The following DLGAP4 variants were observed in gnomAD, a reference collection of about 807,000 sequenced individuals.
DLGAP4 encodes the protein disks large-associated protein 4.
DLGAP4 carries 18 observed loss-of-function variants against 86.9 expected under a neutral mutation model. That is an observed-to-expected ratio of 0.21 (90% CI 0.14 to 0.31). DLGAP4 has a LOEUF of 0.31. Ranked by LOEUF, DLGAP4 falls within the 10% of genes least tolerant of loss-of-function variation. The pLI, the probability that DLGAP4 is intolerant of heterozygous loss-of-function variation, is 1.00. For missense variants in DLGAP4, 1,085 were observed against 1,362.6 expected, an observed-to-expected ratio of 0.80 and a Z score of 3.21; for synonymous variants, 548 against 574.3, an observed-to-expected ratio of 0.95 and a Z score of 0.65.
At chr20:36,462,359 G>T in intron 7 of DLGAP4, 1 of 1,379,168 alleles carries the variant, frequency 7.3e-7, no homozygotes, top group Admixed American at 4.0e-5. Flanking sequence ...CTGCCCCTCT[G>T]TGCCCCCACA....
chr20:36,442,654 C>A, intron 5 of DLGAP4, 73 bp from the exon 6 acceptor site: 1 of 1,546,424 alleles, frequency 6.5e-7, no homozygotes, highest in Non-Finnish European at 8.9e-7. Flanking sequence ...AGTTTCCTTG[C>A]AATTGACCCT....
At chr20:36,524,092 T>C (rs1460646195) in intron 10 of DLGAP4, among the ~76,000 whole-genome samples, 158 bp from the exon 11 acceptor site, 1 of 152,208 alleles carries the variant, frequency 6.6e-6, no homozygotes, top group East Asian at 1.9e-4. Flanking sequence ...TTTTTCTCAA[T>C]GAGAATGGAT....
chr20:36,369,980 G>A (rs1460443027), intron 2 of DLGAP4, among the ~76,000 whole-genome samples: 2 of 152,166 alleles, frequency 1.3e-5, no homozygotes, highest in Non-Finnish European at 2.9e-5. Context: ...GAGTGGAGGA[G>A]GTGAGATGAG....
At chr20:36,355,543 T>C (rs1368270384) in intron 1 of DLGAP4, among the ~76,000 whole-genome samples, 1 of 152,262 alleles carries the variant, frequency 6.6e-6, no homozygotes, top group Non-Finnish European at 1.5e-5. Flanking sequence ...GCAGTCTTCC[T>C]GCCTCAGCCT....
intron 10 of DLGAP4, among the ~76,000 whole-genome samples, chr20:36,509,543 C>A (rs2036571899): frequency 6.6e-6 from 1 of 152,006 alleles, no homozygotes. Flanking sequence ...TGTACTCCAG[C>A]CTGGGTGACA....
At position 36,527,476 on chromosome 20, in the gene DLGAP4, ATTCT is replaced by A. The variant is rs1278330129; in HGVS notation, c.*447_*450del. ...TATCCCCGCTCTGACCTTGATTTTCATTCTTATGTTTTTCTCTTTTCCCTTCAGA... is the reference window on the plus strand; with the variant it reads ...TATCCCCGCTCTGACCTTGATTTTCATATGTTTTTCTCTTTTCCCTTCAGA... On this transcript the variant is annotated 3_prime_UTR_variant, in exon 13 of 13. Coordinates refer to ENST00000339266, the MANE Select transcript of DLGAP4 (RefSeq NM_001365621.2). 1 of 154,548 alleles carries A rather than the reference ATTCT, an allele frequency of 6.5e-6. No individual in the cohort carries two copies. Among genetic ancestry groups the A allele is most frequent in the African/African-American group, 2.4e-5 (1 of 41,356 alleles). 9.6% of individuals were successfully genotyped at this position (154,548 alleles called of 1,614,324 possible).
chr20:36,476,377 G>A (rs1171236115), intron 7 of DLGAP4, among the ~76,000 whole-genome samples: 1 of 140,428 alleles, frequency 7.1e-6, no homozygotes, highest in African/African-American at 2.7e-5. Flanking sequence ...TCCCAGGCTG[G>A]AGTGCAATGG....
intron 10 of DLGAP4, chr20:36,512,847 T>C (rs1413917377): frequency 7.5e-6 from 1 of 133,140 alleles, no homozygotes; most frequent in African/African-American, 2.8e-5. Context: ...AAGCCACCAG[T>C]GGGCTGCAGC....
At chr20:36,491,987 C>T (rs948953841) in intron 7 of DLGAP4, among the ~76,000 whole-genome samples, 1 of 152,154 alleles carries the variant, frequency 6.6e-6, no homozygotes, top group Non-Finnish European at 1.5e-5. Flanking sequence ...GGTCAGTGCT[C>T]TGATGGAGAT....
chr20:36,463,561 A>G (rs1470008176), intron 7 of DLGAP4, among the ~76,000 whole-genome samples: 1 of 152,206 alleles, frequency 6.6e-6, no homozygotes, highest in African/African-American at 2.4e-5. Context: ...TTCTTAATTC[A>G]GGCCCCAATC....
At chr20:36,313,606 G>C (rs947935192) in intron 1 of DLGAP4, among the ~76,000 whole-genome samples, 21 of 152,172 alleles carry the variant, frequency 1.4e-4, no homozygotes, top group Admixed American at 3.9e-4. Flanking sequence ...CCTGCTGCTG[G>C]GGGGGCAGGG....
intron 7 of DLGAP4, among the ~76,000 whole-genome samples, chr20:36,451,150 T>A (rs547538006): frequency 6.6e-6 from 1 of 152,230 alleles, no homozygotes; most frequent in Non-Finnish European, 1.5e-5. Flanking sequence ...ATTTTACCCA[T>A]GCACCTACCT....
At chr20:36,464,153 G>A (rs1007668634) in intron 7 of DLGAP4, among the ~76,000 whole-genome samples, 1 of 152,200 alleles carries the variant, frequency 6.6e-6, no homozygotes, top group African/African-American at 2.4e-5. Context: ...CAGGATCCCA[G>A]TTCCCACATC....
At chr20:36,497,526 C>T (rs1162007320) in intron 8 of DLGAP4, 3 of 994,490 alleles carry the variant, frequency 3.0e-6, no homozygotes, top group East Asian at 1.1e-4. Context: ...GCCAGGGGCC[C>T]AGGACCCAGG....
At chr20:36,452,802 G>A (rs1426351688) in intron 7 of DLGAP4, among the ~76,000 whole-genome samples, 2 of 149,208 alleles carry the variant, frequency 1.3e-5, no homozygotes, top group South Asian at 4.2e-4. Context: ...GAGCCACTGC[G>A]CTTGGCCTTT....
chr20:36,381,913 C>T (rs2031407887), intron 2 of DLGAP4, among the ~76,000 whole-genome samples: 1 of 152,188 alleles, frequency 6.6e-6, no homozygotes, highest in African/African-American at 2.4e-5. Flanking sequence ...ATCTGATCCC[C>T]TTGGAATCTC....
At chr20:36,425,738 T>C (rs1341725727) in intron 2 of DLGAP4, among the ~76,000 whole-genome samples, 1 of 152,126 alleles carries the variant, frequency 6.6e-6, no homozygotes, top group Non-Finnish European at 1.5e-5. Flanking sequence ...GGAGAATCAC[T>C]TGAACCCAGG....
At chr20:36,438,410 T>A (rs1339496093) in intron 4 of DLGAP4, among the ~76,000 whole-genome samples, 1 of 149,584 alleles carries the variant, frequency 6.7e-6, no homozygotes, top group Non-Finnish European at 1.5e-5. Flanking sequence ...TATATGTATG[T>A]ATATGTATAT....
At chr20:36,338,503 C>T (rs534370697) in intron 1 of DLGAP4, among the ~76,000 whole-genome samples, 3 of 152,262 alleles carry the variant, frequency 2.0e-5, no homozygotes, top group South Asian at 4.2e-4. Flanking sequence ...ACCCGGGAGG[C>T]GGAGGTTGCA....
Sources: gnomAD v4.1 joint callset for allele counts (sites outside exome capture counted in the v4.1 genomes callset) on GRCh38, gnomAD v4.1.1 for gene constraint, MANE v1.5 for transcripts, NCBI Gene and HGNC (gene_info 2026-07-23, HGNC 2026-07-21) for gene names.